Variants in CNTNAP2 observed in about 807,000 individuals in gnomAD.
CNTNAP2 encodes contactin-associated protein-like 2.
CNTNAP2 carries 98 observed loss-of-function variants against 155.2 expected under a neutral mutation model. That is an observed-to-expected ratio of 0.63 (90% CI 0.54 to 0.75). The LOEUF (loss-of-function observed/expected upper bound fraction) is 0.75. CNTNAP2 is among the 30% of genes least tolerant of loss of function. CNTNAP2 has a pLI of 0.00. For synonymous variants in CNTNAP2, 651 were observed against 631.2 expected (o/e 1.03, Z -0.47); for missense variants, 1,727 against 1,688.1 (o/e 1.02, Z -0.40).
At chr7:147,900,560 T>A (rs1799850400) in intron 13 of CNTNAP2, among the ~76,000 whole-genome samples, 1 of 152,190 alleles carries the variant, frequency 6.6e-6, no homozygotes, top group Non-Finnish European at 1.5e-5. Flanking sequence ...CAGTCTTGGA[T>A]CATTCTTTAT....
intron 3 of CNTNAP2, among the ~76,000 whole-genome samples, chr7:147,040,724 G>A (rs1253309729): frequency 1.3e-5 from 2 of 152,074 alleles, no homozygotes; most frequent in African/African-American, 2.4e-5. Flanking sequence ...GTCTCCCAAA[G>A]TGCTGTGATT....
intron 12 of CNTNAP2, among the ~76,000 whole-genome samples, chr7:147,591,436 T>C (rs11767685): frequency 0.019 from 2,823 of 152,262 alleles, 48 homozygotes; most frequent in Non-Finnish European, 0.028. Context: ...TTTAGCTTTA[T>C]GTCCTCTTTA....
chr7:146,163,557 CTA>C (rs1228843172), intron 1 of CNTNAP2, among the ~76,000 whole-genome samples: 1 of 129,048 alleles, frequency 7.7e-6, no homozygotes, highest in African/African-American at 3.2e-5. Context: ...ATATCTATAT[CTA>C]TATCTATCTA....
At chr7:147,654,591 G>T (rs1795496917) in intron 13 of CNTNAP2, among the ~76,000 whole-genome samples, 1 of 152,020 alleles carries the variant, frequency 6.6e-6, no homozygotes, top group South Asian at 2.1e-4. Context: ...GCAGTGACTT[G>T]CTCCACTGAA....
At chr7:147,353,926 G>A (rs9671537) in intron 9 of CNTNAP2, among the ~76,000 whole-genome samples, 34,517 of 151,520 alleles carry the variant, frequency 0.23, 4,311 homozygotes, top group Non-Finnish European at 0.28. Flanking sequence ...TTTGTTGGTC[G>A]CAAAAATGTC....
intron 11 of CNTNAP2, among the ~76,000 whole-genome samples, chr7:147,544,432 A>G (rs536004192): frequency 6.6e-6 from 1 of 152,272 alleles, no homozygotes; most frequent in African/African-American, 2.4e-5. Context: ...AAGTGATAAT[A>G]ACTACTGTTG....
chr7:147,544,633 T>TTA (rs1054041295), intron 11 of CNTNAP2, among the ~76,000 whole-genome samples: 10 of 151,846 alleles, frequency 6.6e-5, no homozygotes, highest in Non-Finnish European at 1.2e-4. Context: ...TCTATTAATA[T>TTA]TATATATATA....
chr7:146,157,580 A>G (rs960704909), intron 1 of CNTNAP2, among the ~76,000 whole-genome samples: 3 of 152,154 alleles, frequency 2.0e-5, no homozygotes, highest in Non-Finnish European at 4.4e-5. Context: ...GCACACCAGG[A>G]CATTATATCC....
At chr7:146,793,740 C>CAGAGACCA (rs1802719021) in intron 2 of CNTNAP2, among the ~76,000 whole-genome samples, 1 of 152,148 alleles carries the variant, frequency 6.6e-6, no homozygotes, top group African/African-American at 2.4e-5. Context: ...CTGTGGGGGC[C>CAGAGACCA]AGAGACCAAG....
chr7:146,209,704 G>C (rs1799004390), intron 1 of CNTNAP2, among the ~76,000 whole-genome samples: 1 of 152,038 alleles, frequency 6.6e-6, no homozygotes, highest in Non-Finnish European at 1.5e-5. Context: ...GGAAATGTTT[G>C]AAATAAAGGG....
At chr7:147,798,771 G>A (rs146006247) in intron 13 of CNTNAP2, among the ~76,000 whole-genome samples, 1 of 152,256 alleles carries the variant, frequency 6.6e-6, no homozygotes, top group Non-Finnish European at 1.5e-5. Flanking sequence ...TAGGGATAAA[G>A]GTATCCTCTC....
chr7:147,388,280 C>T (rs977746744), intron 9 of CNTNAP2, among the ~76,000 whole-genome samples: 1 of 152,122 alleles, frequency 6.6e-6, no homozygotes, highest in Non-Finnish European at 1.5e-5. Context: ...TTTGGTGTGG[C>T]AAAATGTTCC....
chr7:148,292,995 C>T (rs1797214391), intron 21 of CNTNAP2, among the ~76,000 whole-genome samples: 1 of 151,482 alleles, frequency 6.6e-6, no homozygotes, highest in African/African-American at 2.4e-5. Flanking sequence ...AAATTTTTCC[C>T]AGTGTTAAAT....
intron 1 of CNTNAP2, among the ~76,000 whole-genome samples, chr7:146,237,315 C>A (rs1346522338): frequency 6.6e-6 from 1 of 152,166 alleles, no homozygotes; most frequent in Non-Finnish European, 1.5e-5. Flanking sequence ...AGACCACTGG[C>A]CAGTGTTCTG....
chr7:146,296,829 A>C (rs956789178), intron 1 of CNTNAP2, among the ~76,000 whole-genome samples: 3 of 152,174 alleles, frequency 2.0e-5, no homozygotes, highest in African/African-American at 4.8e-5. Flanking sequence ...TTTAAGTTGC[A>C]TAAATTATAT....
Position 146,308,270 on chromosome 7 carries a change from A to C in CNTNAP2, c.97+191297A>C, listed in dbSNP as rs964499360. 7.2e-5 allele frequency among the ~76,000 whole-genome samples: 11 copies of C among 152,204 alleles called. 1 individual carries two copies. The highest frequency in any genetic ancestry group is 1.5e-4 in the Non-Finnish European group (10 of 68,028). ...CATCAGAGAAATGCAAATCAAAAAC[A>C]CAATGAGATACCATCTCACACCAGT... On this transcript the variant is annotated intron_variant, in intron 1 of 23. Transcript: ENST00000361727.
chr7:147,679,480 T>C (rs1795916298), intron 13 of CNTNAP2, among the ~76,000 whole-genome samples: 1 of 151,912 alleles, frequency 6.6e-6, no homozygotes, highest in African/African-American at 2.4e-5. Context: ...AAAAGGAGAC[T>C]CAGAGAAAAG....
At chr7:148,062,026 A>AGTGTGTGTGTGTGTGT (rs1429526235) in intron 15 of CNTNAP2, among the ~76,000 whole-genome samples, 1 of 131,962 alleles carries the variant, frequency 7.6e-6, no homozygotes, top group African/African-American at 2.9e-5. Flanking sequence ...AGAGAGAGAG[A>AGTGTGTGTGTGTGTGT]GAGTGTGTGT....
At chr7:147,465,995 C>T (rs1295195956) in intron 10 of CNTNAP2, among the ~76,000 whole-genome samples, 2 of 152,136 alleles carry the variant, frequency 1.3e-5, no homozygotes, top group African/African-American at 4.8e-5. Flanking sequence ...GCCAAGGGCC[C>T]TCTCAAAGCT....
Sources: gnomAD v4.1 joint callset for allele counts (sites outside exome capture counted in the v4.1 genomes callset) on GRCh38, gnomAD v4.1.1 for gene constraint, MANE v1.5 for transcripts, NCBI Gene and HGNC (gene_info 2026-07-23, HGNC 2026-07-21) for gene names.